B3GALT1: variants seen among roughly 807,000 people sequenced by gnomAD.
The protein encoded by B3GALT1 is UDP-Gal:betaGlcNAc beta 1,3-galactosyltransferase, polypeptide 1.
A neutral mutation model predicts 23.2 loss-of-function variants in B3GALT1; 10 were observed. The observed-to-expected ratio is 0.43, with a 90% CI of 0.27 to 0.73. The LOEUF (loss-of-function observed/expected upper bound fraction) is 0.73. B3GALT1 is among the 30% of genes least tolerant of loss of function. B3GALT1 has a pLI of 0.21. For synonymous variants in B3GALT1, 156 were observed against 141.5 expected, an observed-to-expected ratio of 1.10 and a Z score of -0.73; for missense variants, 299 against 405.4, an observed-to-expected ratio of 0.74 and a Z score of 2.25.
intron 1 of B3GALT1, among the ~76,000 whole-genome samples, chr2:167,481,675 T>A (rs1699564811): frequency 1.3e-5 from 2 of 152,222 alleles, no homozygotes; most frequent in South Asian, 4.1e-4. Context: ...TGCTGAGAAT[T>A]CCTCTCTGAC....
rs118184410 is a variant in B3GALT1, at chr2:167,539,504, T to C, written c.-410+49227T>C. Among the ~76,000 whole-genome samples, 1,328 of 152,318 alleles carry C rather than the reference T, an allele frequency of 8.7e-3. 25 individuals carry two copies. Among genetic ancestry groups the C allele is most frequent in the East Asian group, 0.067 (347 of 5,188 alleles). On this transcript the variant is annotated intron_variant, in intron 2 of 4. Coordinates refer to ENST00000392690, the MANE Select transcript of B3GALT1 (RefSeq NM_020981.4). ...GTTGCCCTCTTTCAACAGAGTGATATCTATTTTGAACCTCAAATTGATCTT... is the reference window on the plus strand; with the variant it reads ...GTTGCCCTCTTTCAACAGAGTGATACCTATTTTGAACCTCAAATTGATCTT...
chr2:167,478,670 A>G (rs1374290047), intron 1 of B3GALT1, among the ~76,000 whole-genome samples: 1 of 151,754 alleles, frequency 6.6e-6, no homozygotes, highest in Non-Finnish European at 1.5e-5. Flanking sequence ...GCACCCATTA[A>G]CTCGTCATTT....
chr2:167,480,991 A>G (rs1323907177), intron 1 of B3GALT1, among the ~76,000 whole-genome samples: 3 of 152,140 alleles, frequency 2.0e-5, no homozygotes, highest in Non-Finnish European at 4.4e-5. Flanking sequence ...CTTTGCTCCC[A>G]GTCCTATAAG....
chr2:167,337,701 C>T (rs1440595050), intron 1 of B3GALT1, among the ~76,000 whole-genome samples: 2 of 152,082 alleles, frequency 1.3e-5, no homozygotes, highest in African/African-American at 4.8e-5. Context: ...AGGATATCTG[C>T]ATTTAAATTC....
chr2:167,801,666 G>A (rs1235417572), intron 3 of B3GALT1, among the ~76,000 whole-genome samples: 2 of 152,140 alleles, frequency 1.3e-5, no homozygotes, highest in Non-Finnish European at 2.9e-5. Flanking sequence ...TAGTGCATTT[G>A]CTTTCCATTA....
chr2:167,812,224 C>G (rs1301598185), intron 3 of B3GALT1, among the ~76,000 whole-genome samples: 1 of 152,202 alleles, frequency 6.6e-6, no homozygotes, highest in South Asian at 2.1e-4. Flanking sequence ...ACATTGTTTG[C>G]AAGATATGCT....
At chr2:167,531,040 T>C (rs940651751) in intron 2 of B3GALT1, among the ~76,000 whole-genome samples, 1 of 152,358 alleles carries the variant, frequency 6.6e-6, no homozygotes, top group Admixed American at 6.5e-5. Context: ...CTTGAGACTG[T>C]TTTTATCCAT....
chr2:167,379,205 C>A (rs1351178823), intron 1 of B3GALT1, among the ~76,000 whole-genome samples: 6 of 152,090 alleles, frequency 3.9e-5, no homozygotes, highest in Non-Finnish European at 8.8e-5. Context: ...AACTACTAAA[C>A]ACCTATAAAA....
At chr2:167,579,280 TAGAA>T (rs1047076470) in intron 2 of B3GALT1, among the ~76,000 whole-genome samples, 5 of 151,978 alleles carry the variant, frequency 3.3e-5, no homozygotes, top group Admixed American at 6.6e-5. Flanking sequence ...TAAATTTTTA[TAGAA>T]AGAAACTCTT....
At chr2:167,663,039 A>G (rs1326493688) in intron 3 of B3GALT1, among the ~76,000 whole-genome samples, 5 of 151,744 alleles carry the variant, frequency 3.3e-5, no homozygotes, top group African/African-American at 1.2e-4. Context: ...TACATGTGTC[A>G]TGCTGGTGCA....
chr2:167,625,854 G>A (rs547722474), intron 2 of B3GALT1, among the ~76,000 whole-genome samples: 41 of 149,674 alleles, frequency 2.7e-4, no homozygotes, highest in Admixed American at 8.7e-4. Context: ...AATGTGTGTA[G>A]AGATATTTGT....
At chr2:167,331,205 G>C (rs925294160) in intron 1 of B3GALT1, among the ~76,000 whole-genome samples, 1 of 152,152 alleles carries the variant, frequency 6.6e-6, no homozygotes, top group African/African-American at 2.4e-5. Context: ...GGGATGACAG[G>C]TAGGCCAGCT....
chr2:167,633,309 G>C, intron 2 of B3GALT1, among the ~76,000 whole-genome samples: 1 of 150,938 alleles, frequency 6.6e-6, no homozygotes, highest in African/African-American at 2.5e-5. Context: ...TACCCACAAA[G>C]GGAACCGCCC....
chr2:167,793,821 A>G (rs1409218883), intron 3 of B3GALT1, among the ~76,000 whole-genome samples: 1 of 152,202 alleles, frequency 6.6e-6, no homozygotes, highest in Admixed American at 6.5e-5. Flanking sequence ...GCCTTTTGCA[A>G]ATGTTACAGG....
At chr2:167,454,934 C>A (rs1294827272) in intron 1 of B3GALT1, among the ~76,000 whole-genome samples, 1 of 152,180 alleles carries the variant, frequency 6.6e-6, no homozygotes, top group East Asian at 1.9e-4. Context: ...ATACAGGGAC[C>A]TGCTGGTTGT....
At chr2:167,814,169 G>A (rs183525904) in intron 3 of B3GALT1, among the ~76,000 whole-genome samples, 1 of 152,202 alleles carries the variant, frequency 6.6e-6, no homozygotes, top group Admixed American at 6.5e-5. Context: ...CTTTATTCAG[G>A]ATATTGTTTG....
chr2:167,707,726 C>T (rs1233378442), intron 3 of B3GALT1, among the ~76,000 whole-genome samples: 2 of 152,144 alleles, frequency 1.3e-5, no homozygotes, highest in Non-Finnish European at 2.9e-5. Context: ...CTAATTCCAG[C>T]AGCAACCTTA....
intron 2 of B3GALT1, among the ~76,000 whole-genome samples, chr2:167,632,048 G>A (rs1044968946): frequency 1.5e-4 from 23 of 151,778 alleles, no homozygotes; most frequent in East Asian, 3.9e-4. Context: ...TGTGGTGTTC[G>A]GTTTTCTCTT....
At chr2:167,616,820 G>A (rs1463599077) in intron 2 of B3GALT1, among the ~76,000 whole-genome samples, 7 of 152,148 alleles carry the variant, frequency 4.6e-5, no homozygotes, top group African/African-American at 1.7e-4. Context: ...TGAAATTAGG[G>A]TGTAATTCTT....
Sources: gnomAD v4.1 joint callset for allele counts (sites outside exome capture counted in the v4.1 genomes callset) on GRCh38, gnomAD v4.1.1 for gene constraint, MANE v1.5 for transcripts, NCBI Gene and HGNC (gene_info 2026-07-23, HGNC 2026-07-21) for gene names.